Variants in FAM186A observed in about 807,000 individuals in gnomAD.
FAM186A encodes the protein family with sequence similarity 186 member A.
A neutral mutation model predicts 216.8 loss-of-function variants in FAM186A; 163 were observed. The ratio of observed to expected loss-of-function variants is 0.75; its 90% CI spans 0.66 to 0.86. FAM186A has a LOEUF of 0.86. FAM186A is among the 40% of genes least tolerant of loss of function. The pLI is 0.00. For missense variants in FAM186A, 2,184 were observed against 2,746.2 expected (o/e 0.80, Z 4.58); for synonymous variants, 805 against 1,025.3 (o/e 0.79, Z 4.10).
chr12:50,375,631 C>T (rs1943189971), intron 1 of FAM186A, among the ~76,000 whole-genome samples: 1 of 147,856 alleles, frequency 6.8e-6, no homozygotes, highest in Admixed American at 6.8e-5. Flanking sequence ...GCAGGAGAAT[C>T]GCCTGAACCT....
Position 50,353,192 on chromosome 12 carries a change from C to A in FAM186A, c.3640G>T (p.Glu1214Ter), listed in dbSNP as rs187235855. ...RVSLTPQQAQELGIPLTPQQA... is the reference protein window; with the variant it reads ...RVSLTPQQAQ ...TGAGGGGTGAGAGGGATCCCCAATT[C>A]CTGAGCCTGCTGAGGGGTGAGAGAG... Residue 1214 changes from glutamate to a stop codon, truncating the protein, a stop_gained, in exon 4 of 8, where the codon GAA becomes TAA. Coordinates refer to ENST00000327337, the MANE Select transcript of FAM186A (RefSeq NM_001145475.3). LOFTEE classifies it high-confidence loss of function. 5.5e-5 allele frequency: 80 copies of A among 1,443,838 alleles called. No individual in the cohort carries two copies. In the East Asian group the frequency reaches 2.2e-3, roughly 40 times the overall value. The allele number at this position is 1,443,838 out of a possible 1,614,324, so 89.4% of individuals were successfully genotyped here. A position where few individuals can be genotyped will look rare whatever the true frequency, so the allele number is the denominator to read the frequency against.
chr12:50,339,173 C>T lies in FAM186A; in HGVS notation c.6504-5070G>A, dbSNP rs186298897. ...GGGACCACAGGCATACATACCACCA[C>T]GCCTGGCTAATTTTTATAATTTTTG... On this transcript the variant is annotated intron_variant, in intron 4 of 7. Coordinates refer to ENST00000327337, the MANE Select transcript of FAM186A (RefSeq NM_001145475.3). Among the ~76,000 whole-genome samples the T allele has an allele frequency of 2.9e-4, 44 of 151,932 alleles. No individual in the cohort carries two copies. The East Asian group carries it at 5.8e-3, about 20-fold the overall frequency.
intron 1 of FAM186A, among the ~76,000 whole-genome samples, chr12:50,365,075 T>C (rs1405371166): frequency 6.6e-6 from 1 of 151,870 alleles, no homozygotes; most frequent in Non-Finnish European, 1.5e-5. Flanking sequence ...CATGTGTTTT[T>C]TGCCCAATTT....
rs1942868582 is a variant in FAM186A at position 50,350,751 on chromosome 12, G to C, written c.6081C>G (p.Tyr2027Ter). 6 of 1,551,526 alleles carry C rather than the reference G, an allele frequency of 3.9e-6. No individual in the cohort carries two copies. The highest frequency in any genetic ancestry group is 3.5e-6 in the Non-Finnish European group (4 of 1,147,002). ...SHFTKYRTPVYQTPYTDERAL... is the reference protein window; with the variant it reads ...SHFTKYRTPV The stretch of plus-strand genomic sequence containing the variant: ...CCCTTTCATCAGTGTAAGGGGTTTG[G>C]TATACTGGTGTCCTATATTTGGTGA... The change falls in exon 4 of 8, where the codon TAC becomes TAG. Residue 2027 changes from tyrosine (Y) to a stop codon, truncating the protein, a stop_gained. Coordinates refer to ENST00000327337, the MANE Select transcript of FAM186A (RefSeq NM_001145475.3). LOFTEE classifies it high-confidence loss of function.
rs1450376070 is a variant in FAM186A, at chr12:50,351,714, C to G, written c.5118G>C (p.Lys1706Asn). Reference sequence around the variant, plus strand: ...ATGGTCTATGGGACCACTGGACTTGCTTAAGGGTGAGGGGCGATCCCAAGG... The same window carrying G: ...ATGGTCTATGGGACCACTGGACTTGGTTAAGGGTGAGGGGCGATCCCAAGG... ...AHTLGSPLTL[K>N]QVQWSHRPFQ... The change falls in exon 4 of 8, where the codon AAG becomes AAC. Residue 1706 changes from lysine to asparagine, a missense_variant. Lys to Asn is a moderately conservative substitution (Grantham distance 94, BLOSUM62 0). Around this residue, in one of 7 missense-constraint regions of FAM186A, gnomAD observed 721 missense variants for 816.4 expected, o/e 0.88. Transcript: ENST00000327337. 1 of 1,551,514 alleles carries G rather than the reference C, an allele frequency of 6.4e-7. No individual in the cohort carries two copies. Among genetic ancestry groups the G allele is most frequent in the East Asian group, 2.4e-5 (1 of 40,926 alleles).
Position 50,354,745 on chromosome 12 carries a change from A to G in FAM186A, c.2087T>C (p.Val696Ala), listed in dbSNP as rs1942954201. 6.5e-7 allele frequency: 1 copy of G among 1,543,050 alleles called. No homozygotes were observed. Among genetic ancestry groups the G allele is most frequent in the Non-Finnish European group, 8.7e-7 (1 of 1,145,306 alleles). ...TTTTAATAACTCCTCTTCCTTCGGA[A>G]CAGTCTTTTTGTCAAAAGCCTTTCC... is the stretch of plus-strand genomic sequence containing the variant. ...NIGKAFDKKT[V>A]PKEEELLKRA... The change falls in exon 4 of 8, where the codon GTT becomes GCT. Residue 696 changes from valine to alanine, a missense_variant. Coordinates refer to ENST00000327337, the MANE Select transcript of FAM186A (RefSeq NM_001145475.3).
At position 50,351,262 on chromosome 12, in the gene FAM186A, G is replaced by C; in HGVS notation, c.5570C>G (p.Ser1857Cys). The C allele has an allele frequency of 6.4e-7, 1 of 1,550,694 alleles. No homozygotes were observed. Residue 1857 changes from serine (S) to cysteine (C), a missense_variant, in exon 4 of 8, where the codon TCT becomes TGT. By Grantham distance (112) the Ser-to-Cys change is moderately radical. Around this residue, in one of 7 missense-constraint regions of FAM186A, gnomAD observed 721 missense variants for 816.4 expected, o/e 0.88. Transcript: ENST00000327337. ...TTCAGGAACTAAGGGCTGCCCAGGA[G>C]AAAGAGGAGCCCAGAGACTTGGAAT... ...GQIPSLWAPLSPGQPLVPEAS... is the reference protein window; with the variant it reads ...GQIPSLWAPLCPGQPLVPEAS...
At chr12:50,365,852 T>A in intron 1 of FAM186A, 1 of 762,628 alleles carries the variant, frequency 1.3e-6, no homozygotes, top group Non-Finnish European at 2.4e-6. Flanking sequence ...GTCAGCAAAT[T>A]GGCAAAGTAG....
intron 4 of FAM186A, among the ~76,000 whole-genome samples, chr12:50,340,247 C>T (rs932686270): frequency 1.1e-4 from 17 of 152,134 alleles, no homozygotes; most frequent in Admixed American, 5.9e-4. Flanking sequence ...ACTGCACATG[C>T]GCCATTATTG....
chr12:50,380,940 C>T (rs1943249234), intron 1 of FAM186A, among the ~76,000 whole-genome samples: 1 of 151,644 alleles, frequency 6.6e-6, no homozygotes, highest in South Asian at 2.1e-4. Flanking sequence ...CTGTGCACAT[C>T]CAGGCATGCC....
intron 7 of FAM186A, among the ~76,000 whole-genome samples, chr12:50,330,045 T>A (rs1238520581): frequency 6.6e-6 from 1 of 152,210 alleles, no homozygotes; most frequent in Admixed American, 6.5e-5. Context: ...TAATGCAGAC[T>A]CTAAAGCCCT....
intron 1 of FAM186A, among the ~76,000 whole-genome samples, chr12:50,378,039 A>C (rs982643192): frequency 6.6e-6 from 1 of 151,976 alleles, no homozygotes; most frequent in Admixed American, 6.6e-5. Flanking sequence ...CAGGCTGACC[A>C]ACATGGAAAA....
intron 1 of FAM186A, among the ~76,000 whole-genome samples, chr12:50,394,587 A>AT (rs1221126046): frequency 5.4e-4 from 81 of 151,358 alleles, no homozygotes; most frequent in African/African-American, 1.8e-3. Context: ...CTATCTATCT[A>AT]CCTATCTACC....
chr12:50,369,767 TC>T (rs1943124016), intron 1 of FAM186A, among the ~76,000 whole-genome samples: 1 of 152,006 alleles, frequency 6.6e-6, no homozygotes, highest in South Asian at 2.1e-4. Flanking sequence ...GGTGGACAGA[TC>T]AGTTGAAGTC....
At chr12:50,333,686 T>C (rs1008689226) in intron 5 of FAM186A, among the ~76,000 whole-genome samples, 5 of 152,294 alleles carry the variant, frequency 3.3e-5, no homozygotes, top group Admixed American at 3.3e-4. Context: ...TCAGAGCTTC[T>C]AGAAGGAACC....
chr12:50,382,018 GT>G (rs1294316208), intron 1 of FAM186A, among the ~76,000 whole-genome samples: 2 of 152,002 alleles, frequency 1.3e-5, no homozygotes, highest in Non-Finnish European at 2.9e-5. Context: ...TGAGTAGGGA[GT>G]GGGGAAGAAG....
At chr12:50,387,726 G>A (rs796514175) in intron 1 of FAM186A, among the ~76,000 whole-genome samples, 1 of 152,272 alleles carries the variant, frequency 6.6e-6, no homozygotes, top group African/African-American at 2.4e-5. Flanking sequence ...TGTACACAAG[G>A]CTGGCAGAGA....
intron 1 of FAM186A, among the ~76,000 whole-genome samples, chr12:50,387,527 G>A (rs755528955): frequency 2.0e-5 from 3 of 152,280 alleles, no homozygotes; most frequent in South Asian, 2.1e-4. Context: ...GGAAAAGACC[G>A]GCTGGTGGTG....
intron 4 of FAM186A, among the ~76,000 whole-genome samples, chr12:50,344,617 AAT>A (rs1423408917): frequency 2.0e-5 from 3 of 152,228 alleles, no homozygotes; most frequent in South Asian, 4.1e-4. Flanking sequence ...TTTTCCTTTG[AAT>A]ATATACCCAG....
Sources: allele counts gnomAD v4.1 joint callset (sites outside exome capture counted in the v4.1 genomes callset), GRCh38; gene constraint gnomAD v4.1.1; regional missense constraint gnomAD v4.1.1; transcripts MANE v1.5; gene names NCBI Gene and HGNC (gene_info 2026-07-23, HGNC 2026-07-21).